TANGO6: variants seen among roughly 807,000 people sequenced by gnomAD.
TANGO6 encodes the protein transport and golgi organization 6 homolog.
TANGO6 carries 90 observed loss-of-function variants against 114.2 expected under a neutral mutation model. The observed-to-expected ratio is 0.79, with a 90% CI of 0.66 to 0.94. The LOEUF is 0.94. Ranked by LOEUF, TANGO6 falls within the 40% of genes least tolerant of loss-of-function variation. TANGO6 has a pLI of 0.00. For synonymous variants in TANGO6, 477 were observed against 509.8 expected (o/e 0.94, Z 0.87); for missense variants, 1,274 against 1,315.3 (o/e 0.97, Z 0.49).
chr16:69,052,309 C>T, intron 17 of TANGO6, among the ~76,000 whole-genome samples: 1 of 145,256 alleles, frequency 6.9e-6, no homozygotes. Flanking sequence ...TGCTCTGTCT[C>T]CCAAGCTGGA....
At chr16:69,048,689 G>A (rs993195288) in intron 17 of TANGO6, among the ~76,000 whole-genome samples, 6 of 152,116 alleles carry the variant, frequency 3.9e-5, no homozygotes, top group African/African-American at 1.4e-4. Flanking sequence ...CATTAATACT[G>A]GAGATTACTC....
intron 4 of TANGO6, among the ~76,000 whole-genome samples, chr16:68,871,326 A>G (rs186770057): frequency 6.6e-6 from 1 of 150,950 alleles, no homozygotes; most frequent in Non-Finnish European, 1.5e-5. Flanking sequence ...TGCTTTTAAG[A>G]TTTTTCTCTT....
At chr16:68,907,014 C>G (rs1414782638) in intron 9 of TANGO6, among the ~76,000 whole-genome samples, 1 of 151,644 alleles carries the variant, frequency 6.6e-6, no homozygotes, top group Non-Finnish European at 1.5e-5. Context: ...AGGCTAGTCT[C>G]AAACTCCTGA....
chr16:68,926,326 T>C (rs1189376520), intron 12 of TANGO6, among the ~76,000 whole-genome samples: 1 of 151,676 alleles, frequency 6.6e-6, no homozygotes, highest in East Asian at 2.0e-4. Context: ...AAACCCCGTT[T>C]CTACTAAACT....
At chr16:68,929,660 T>C (rs1963215160) in intron 13 of TANGO6, among the ~76,000 whole-genome samples, 1 of 152,238 alleles carries the variant, frequency 6.6e-6, no homozygotes, top group South Asian at 2.1e-4. Context: ...CTGTACTCAC[T>C]GTAGTTGATA....
chr16:68,974,003 C>A (rs369661109), intron 14 of TANGO6, 25 bp from the exon 15 acceptor site: 26 of 1,579,866 alleles, frequency 1.6e-5, no homozygotes, highest in Non-Finnish European at 2.2e-5. Context: ...AGTAATGAAT[C>A]CTTTCTTTTT....
rs1295931951 is a variant in TANGO6, at chr16:69,054,761, A to G, written c.3108+14340A>G. 2.1e-5 allele frequency among the ~76,000 whole-genome samples: 3 copies of G among 143,912 alleles called. No homozygotes were observed. The Admixed American group carries it at 2.2e-4, about 11-fold the overall frequency. 94.4% of individuals were successfully genotyped at this position (143,912 alleles called of 152,430 possible). On this transcript the variant is annotated intron_variant, in intron 17 of 17. Transcript: ENST00000261778. ...ATCCTGGCTAACACGGTGAAACACC[A>G]TCTCTACTAAAAATACAAAAAAAAA...
rs534442172 is a variant in TANGO6 at position 68,865,928 on chromosome 16, A to G, written c.853-1151A>G. On this transcript the variant is annotated intron_variant, in intron 3 of 17. Coordinates refer to ENST00000261778, the MANE Select transcript of TANGO6 (RefSeq NM_024562.2). The stretch of plus-strand genomic sequence containing the variant: ...GCAAGACTCCGTCTCAAAAAAAAAA[A>G]AGAAATCCAACTCTTTCTTTGAACT... 3.3e-4 allele frequency among the ~76,000 whole-genome samples: 50 copies of G among 150,068 alleles called. 1 individual carries two copies. In the South Asian group the frequency reaches 0.01, roughly 31 times the overall value.
intron 7 of TANGO6, among the ~76,000 whole-genome samples, chr16:68,889,318 T>C (rs1040895287): frequency 7.2e-5 from 11 of 152,134 alleles, no homozygotes; most frequent in African/African-American, 2.7e-4. Flanking sequence ...AGTCTATGAG[T>C]TTTGACAGAT....
chr16:69,021,768 C>T (rs1228126743), intron 15 of TANGO6, among the ~76,000 whole-genome samples: 3 of 152,008 alleles, frequency 2.0e-5, no homozygotes, highest in Admixed American at 6.6e-5. Flanking sequence ...GCCTGGGGGC[C>T]ACACTTTTTG....
chr16:68,925,789 A>G (rs1384035800), intron 12 of TANGO6, among the ~76,000 whole-genome samples: 1 of 151,806 alleles, frequency 6.6e-6, no homozygotes, highest in Admixed American at 6.6e-5. Context: ...ATTTTTGTGC[A>G]AGGTGCAAGG....
rs758920537 is a variant in TANGO6, at chr16:68,974,214, T to C, written c.2842+46T>C. The C allele has an allele frequency of 9.3e-6, 15 of 1,612,522 alleles. No homozygotes were observed. The South Asian group carries it at 1.3e-4, about 14-fold the overall frequency. On this transcript the variant is annotated intron_variant, in intron 15 of 17. Coordinates refer to ENST00000261778, the MANE Select transcript of TANGO6 (RefSeq NM_024562.2). Reference sequence around the variant, plus strand: ...CACCTGGAAAAGGGTGGAGGATCAGTGTGACTTTGAAACCAAAATGTGTGT... The same window carrying C: ...CACCTGGAAAAGGGTGGAGGATCAGCGTGACTTTGAAACCAAAATGTGTGT...
intron 12 of TANGO6, among the ~76,000 whole-genome samples, chr16:68,926,623 G>A (rs912371772): frequency 6.6e-6 from 1 of 151,484 alleles, no homozygotes; most frequent in Admixed American, 6.6e-5. Flanking sequence ...TGCCTCCCGG[G>A]TTTAAGCGAT....
chr16:69,064,897 G>A (rs1009065098), intron 17 of TANGO6, among the ~76,000 whole-genome samples: 1 of 152,148 alleles, frequency 6.6e-6, no homozygotes, highest in Admixed American at 6.6e-5. Flanking sequence ...AAATAGAAGT[G>A]TGGTGCCCTC....
intron 15 of TANGO6, among the ~76,000 whole-genome samples, chr16:68,980,435 ATTTTTT>A (rs1291932299): frequency 1.8e-4 from 11 of 61,776 alleles, no homozygotes; most frequent in South Asian, 5.3e-4. Flanking sequence ...ATATATATAT[ATTTTTT>A]TTTTTTTTTT....
chr16:69,022,224 T>C (rs1293250647), intron 15 of TANGO6, among the ~76,000 whole-genome samples: 1 of 152,128 alleles, frequency 6.6e-6, no homozygotes, highest in East Asian at 1.9e-4. Context: ...AATAAGACTC[T>C]GAAAATAACT....
At chr16:68,926,147 C>G (rs1352334882) in intron 12 of TANGO6, among the ~76,000 whole-genome samples, 2 of 151,886 alleles carry the variant, frequency 1.3e-5, no homozygotes, top group Admixed American at 1.3e-4. Context: ...GTCCATGATA[C>G]AACCGAGGCA....
intron 15 of TANGO6, 40 bp from the exon 16 acceptor site, chr16:69,022,788 T>A (rs1959429564): frequency 5.8e-6 from 9 of 1,540,826 alleles, no homozygotes; most frequent in Non-Finnish European, 7.0e-6. Flanking sequence ...AAGTTGAAAT[T>A]TTGTTTTAAG....
chr16:68,947,448 G>A (rs535074547), intron 14 of TANGO6, among the ~76,000 whole-genome samples: 19 of 150,500 alleles, frequency 1.3e-4, no homozygotes, highest in Admixed American at 2.6e-4. Flanking sequence ...GTAAGACTCC[G>A]TCTCAAAAAA....
Sources: gnomAD v4.1 joint callset for allele counts (sites outside exome capture counted in the v4.1 genomes callset) on GRCh38, gnomAD v4.1.1 for gene constraint, MANE v1.5 for transcripts, NCBI Gene and HGNC (gene_info 2026-07-23, HGNC 2026-07-21) for gene names.